The following CEP128 variants were observed in gnomAD, a reference collection of about 807,000 sequenced individuals.
CEP128 encodes centrosomal protein 128.
Under a neutral mutation model 156.7 loss-of-function variants are expected in CEP128, and 132 were observed. That is an observed-to-expected ratio of 0.84 (90% confidence interval 0.73 to 0.97). CEP128 has a LOEUF of 0.97. CEP128 is among the 50% of genes least tolerant of loss of function. The pLI is 0.00. For missense variants in CEP128, 1,252 were observed against 1,281.9 expected (o/e 0.98, Z 0.36); for synonymous variants, 469 against 448.9 (o/e 1.04, Z -0.57).
intron 23 of CEP128, among the ~76,000 whole-genome samples, chr14:80,523,222 G>A (rs1888822529): frequency 6.6e-6 from 1 of 152,196 alleles, no homozygotes; most frequent in African/African-American, 2.4e-5. Flanking sequence ...TTATTTGTCT[G>A]TCAACAGTAA....
chr14:80,742,057 T>C (rs1180250425), intron 19 of CEP128, among the ~76,000 whole-genome samples: 1 of 152,176 alleles, frequency 6.6e-6, no homozygotes, highest in Non-Finnish European at 1.5e-5. Context: ...TTCTAGTAAT[T>C]ATTTATAAGT....
chr14:80,679,317 C>A (rs1434396586), intron 19 of CEP128, among the ~76,000 whole-genome samples: 1 of 152,124 alleles, frequency 6.6e-6, no homozygotes, highest in Non-Finnish European at 1.5e-5. Context: ...TTGCAGAGCG[C>A]CTATAAACAG....
chr14:80,880,564 A>G (rs1461446837), intron 8 of CEP128, among the ~76,000 whole-genome samples: 1 of 152,042 alleles, frequency 6.6e-6, no homozygotes, highest in Non-Finnish European at 1.5e-5. Context: ...TACACATCAA[A>G]AACCCCAAAG....
At chr14:80,829,533 T>C (rs1885669265) in intron 13 of CEP128, among the ~76,000 whole-genome samples, 1 of 152,174 alleles carries the variant, frequency 6.6e-6, no homozygotes, top group Non-Finnish European at 1.5e-5. Flanking sequence ...CCTCATCCTC[T>C]TGAGTAGCCG....
chr14:80,683,393 G>A (rs1478054969), intron 19 of CEP128, among the ~76,000 whole-genome samples: 2 of 151,966 alleles, frequency 1.3e-5, no homozygotes, highest in Non-Finnish European at 2.9e-5. Flanking sequence ...TAAAGACAAA[G>A]GGCTCCATCC....
intron 14 of CEP128, among the ~76,000 whole-genome samples, chr14:80,792,165 A>G (rs1410819716): frequency 6.6e-6 from 1 of 152,244 alleles, no homozygotes; most frequent in Admixed American, 6.5e-5. Flanking sequence ...AAATGCATAC[A>G]TATATCAGTG....
chr14:80,855,007 A>G (rs1003425424), intron 9 of CEP128, among the ~76,000 whole-genome samples: 1 of 152,222 alleles, frequency 6.6e-6, no homozygotes, highest in Non-Finnish European at 1.5e-5. Context: ...AAAATAGTCA[A>G]TGGGATTAAA....
chr14:80,874,283 G>A (rs530998705), intron 8 of CEP128, among the ~76,000 whole-genome samples: 16 of 152,062 alleles, frequency 1.1e-4, no homozygotes, highest in South Asian at 2.1e-4. Context: ...GGCCAACATC[G>A]CGAAACCCTG....
chr14:80,663,704 A>C (rs142850851), intron 19 of CEP128, among the ~76,000 whole-genome samples: 1 of 152,336 alleles, frequency 6.6e-6, no homozygotes, highest in African/African-American at 2.4e-5. Context: ...TGAGGTTGGC[A>C]TCGTTTCCCT....
At chr14:80,859,693 G>A (rs1236472500) in intron 9 of CEP128, among the ~76,000 whole-genome samples, 1 of 152,102 alleles carries the variant, frequency 6.6e-6, no homozygotes, top group Non-Finnish European at 1.5e-5. Context: ...ACAAGAAACA[G>A]AAATGAGTGA....
chr14:80,864,645 C>G (rs1887680335), intron 8 of CEP128, among the ~76,000 whole-genome samples: 1 of 151,964 alleles, frequency 6.6e-6, no homozygotes, highest in Non-Finnish European at 1.5e-5. Context: ...CAACCTCTGC[C>G]TACTGAGTTC....
intron 19 of CEP128, among the ~76,000 whole-genome samples, chr14:80,712,751 T>C (rs1897459683): frequency 6.6e-6 from 1 of 152,158 alleles, no homozygotes; most frequent in Non-Finnish European, 1.5e-5. Flanking sequence ...ATCTCAAAGT[T>C]CTGCCAATAA....
At chr14:80,541,042 C>T (rs1382866254) in intron 21 of CEP128, among the ~76,000 whole-genome samples, 2 of 152,054 alleles carry the variant, frequency 1.3e-5, no homozygotes, top group Non-Finnish European at 2.9e-5. Flanking sequence ...GGCAGCAAGA[C>T]ATAGTAAAAA....
At chr14:80,806,802 TAA>T (rs33916139) in intron 13 of CEP128, among the ~76,000 whole-genome samples, 2 of 151,952 alleles carry the variant, frequency 1.3e-5, no homozygotes, top group South Asian at 2.1e-4. Flanking sequence ...CAGATCAATT[TAA>T]AAAAAAAGTT....
intron 8 of CEP128, among the ~76,000 whole-genome samples, chr14:80,876,770 C>T (rs992315549): frequency 5.9e-5 from 9 of 152,180 alleles, no homozygotes; most frequent in Middle Eastern, 3.4e-3. Flanking sequence ...TTTTCAGACA[C>T]ATACAGAGAA....
intron 2 of CEP128, among the ~76,000 whole-genome samples, chr14:80,918,224 C>G (rs547193527): frequency 6.6e-6 from 1 of 152,344 alleles, no homozygotes; most frequent in East Asian, 1.9e-4. Flanking sequence ...CTTTAGAAGA[C>G]AAGACATCTT....
At chr14:80,721,834 A>G (rs1490487232) in intron 19 of CEP128, among the ~76,000 whole-genome samples, 1 of 151,338 alleles carries the variant, frequency 6.6e-6, no homozygotes, top group East Asian at 1.9e-4. Flanking sequence ...ACGTTGCTTA[A>G]TAATTGTTTG....
chr14:80,582,124 C>T (rs1891617738), intron 19 of CEP128, among the ~76,000 whole-genome samples: 1 of 152,146 alleles, frequency 6.6e-6, no homozygotes, highest in African/African-American at 2.4e-5. Flanking sequence ...CAGGTTGCCC[C>T]AGCTGCCAGC....
At chr14:80,788,081 T>C (rs1214435885) in intron 14 of CEP128, among the ~76,000 whole-genome samples, 1 of 152,148 alleles carries the variant, frequency 6.6e-6, no homozygotes, top group African/African-American at 2.4e-5. Flanking sequence ...TACTAAAAAC[T>C]AAGCTCTGTC....
Sources: gnomAD v4.1 joint callset for allele counts (sites outside exome capture counted in the v4.1 genomes callset) on GRCh38, gnomAD v4.1.1 for gene constraint, MANE v1.5 for transcripts, NCBI Gene and HGNC (gene_info 2026-07-23, HGNC 2026-07-21) for gene names.